The following LRRC7 variants were observed in gnomAD, a reference collection of about 807,000 sequenced individuals.
LRRC7 encodes leucine rich repeat containing 7.
LRRC7 carries 23 observed loss-of-function variants against 175.7 expected under a neutral mutation model. The ratio of observed to expected loss-of-function variants is 0.13; its 90% CI spans 0.09 to 0.19. The LOEUF (loss-of-function observed/expected upper bound fraction) is 0.19, where lower values mean the gene tolerates loss of function less well. Ranked by LOEUF, LRRC7 falls within the 10% of genes least tolerant of loss-of-function variation. The probability of loss-of-function intolerance (pLI) is 1.00; values close to 1 mark genes in which losing one functional copy is unlikely to be tolerated. For missense variants in LRRC7, 1,354 were observed against 1,904.7 expected (o/e 0.71, Z 5.38); for synonymous variants, 685 against 680.9 (o/e 1.01, Z -0.09).
At chr1:69,695,468 G>A (rs933646424) in intron 2 of LRRC7, among the ~76,000 whole-genome samples, 1 of 152,206 alleles carries the variant, frequency 6.6e-6, no homozygotes, top group Non-Finnish European at 1.5e-5. Flanking sequence ...ATGTGATAGA[G>A]AAGGAAAGGT....
chr1:69,960,623 G>A (rs1650968925), intron 8 of LRRC7, among the ~76,000 whole-genome samples: 1 of 151,206 alleles, frequency 6.6e-6, no homozygotes, highest in African/African-American at 2.4e-5. Flanking sequence ...AGCATTCAGT[G>A]CTATAAATTA....
intron 7 of LRRC7, among the ~76,000 whole-genome samples, chr1:69,900,559 T>G (rs1367687780): frequency 6.6e-6 from 1 of 152,200 alleles, no homozygotes; most frequent in Non-Finnish European, 1.5e-5. Flanking sequence ...TGAGTTTTAT[T>G]GTAGCATACA....
chr1:69,646,051 A>G (rs891390276), intron 1 of LRRC7, among the ~76,000 whole-genome samples: 2 of 152,136 alleles, frequency 1.3e-5, no homozygotes, highest in Non-Finnish European at 2.9e-5. Context: ...AGTTATTTAT[A>G]TGAATGATTA....
intron 7 of LRRC7, among the ~76,000 whole-genome samples, chr1:69,888,153 G>A (rs372375700): frequency 0.13 from 18,639 of 145,818 alleles, 1,818 homozygotes; most frequent in African/African-American, 0.27. Context: ...CACCCAGTTT[G>A]AGCTTCCTGG....
rs1428456482 is a variant in LRRC7, at chr1:70,131,108, A to C, written c.*9221A>C. Among the ~76,000 whole-genome samples the C allele has an allele frequency of 6.6e-6, 1 of 152,230 alleles. No individual in the cohort carries two copies. Among genetic ancestry groups the C allele is most frequent in the Non-Finnish European group, 1.5e-5 (1 of 68,030 alleles). On this transcript the variant is annotated 3_prime_UTR_variant, in exon 27 of 27. Coordinates refer to ENST00000651989, the MANE Select transcript of LRRC7 (RefSeq NM_001370785.2). Reference sequence around the variant, plus strand: ...AATTGATATGATTAACTATTTAGATAGAGCACAGAAAAAAAATCAGGGTTA... The same window carrying C: ...AATTGATATGATTAACTATTTAGATCGAGCACAGAAAAAAAATCAGGGTTA...
intron 7 of LRRC7, among the ~76,000 whole-genome samples, chr1:69,927,636 C>T (rs1003667027): frequency 1.3e-5 from 2 of 152,148 alleles, no homozygotes; most frequent in African/African-American, 2.4e-5. Flanking sequence ...ACGTAGTTCT[C>T]GAGCCTTGGC....
intron 2 of LRRC7, among the ~76,000 whole-genome samples, chr1:69,717,818 G>GAAAT (rs1238531692): frequency 4.2e-5 from 1 of 24,054 alleles, no homozygotes; most frequent in African/African-American, 2.6e-4. Context: ...AAGAAAGAAA[G>GAAAT]AAAGAAAGAA....
rs781603923 is a variant in LRRC7 at position 70,036,547 on chromosome 1, C to T, written c.2211C>T (p.Ser737=). Residue 737 remains serine, a synonymous_variant, in exon 20 of 27, where the codon TCC becomes TCT. Transcript: ENST00000651989. ...CGCCTTCCCAGGCTTCCTCAGGATCCTCTAATACCCGGGTTAAAGTGGGGT... is the reference window on the plus strand; with the variant it reads ...CGCCTTCCCAGGCTTCCTCAGGATCTTCTAATACCCGGGTTAAAGTGGGGT... ...DYSPSQASSG[S]SNTRVKVGSL... 1.9e-6 allele frequency: 3 copies of T among 1,613,956 alleles called. No individual in the cohort carries two copies. In the African/African-American group the frequency reaches 4.0e-5, roughly 22 times the overall value.
intron 7 of LRRC7, among the ~76,000 whole-genome samples, chr1:69,906,692 G>T (rs910546384): frequency 7.2e-5 from 11 of 152,018 alleles, no homozygotes; most frequent in African/African-American, 2.4e-4. Flanking sequence ...GTCAGGTAGC[G>T]TGATGCCTCC....
chr1:69,625,880 C>G (rs888432814), intron 1 of LRRC7, among the ~76,000 whole-genome samples: 2 of 152,064 alleles, frequency 1.3e-5, no homozygotes, highest in Admixed American at 1.3e-4. Flanking sequence ...TCGTATGTTC[C>G]ATGTGTATTT....
intron 7 of LRRC7, among the ~76,000 whole-genome samples, chr1:69,871,737 A>G (rs1370114982): frequency 1.3e-5 from 2 of 151,996 alleles, no homozygotes; most frequent in East Asian, 3.9e-4. Context: ...TAAACACATA[A>G]AACCCAACTT....
intron 8 of LRRC7, among the ~76,000 whole-genome samples, chr1:69,944,483 T>A (rs1649091562): frequency 6.6e-6 from 1 of 152,074 alleles, no homozygotes; most frequent in Admixed American, 6.6e-5. Context: ...AAGGACAAAT[T>A]TTTTGAAGTC....
intron 18 of LRRC7, among the ~76,000 whole-genome samples, chr1:70,032,217 T>C (rs1442307239): frequency 6.6e-6 from 1 of 152,242 alleles, no homozygotes; most frequent in Admixed American, 6.5e-5. Context: ...AAACATTTAA[T>C]GTAACTCACA....
At chr1:70,026,086 TG>T (rs1235669033) in intron 17 of LRRC7, among the ~76,000 whole-genome samples, 6 of 152,082 alleles carry the variant, frequency 3.9e-5, no homozygotes, top group Non-Finnish European at 8.8e-5. Context: ...TTGTGTCAGA[TG>T]GGACACAGCA....
intron 25 of LRRC7, among the ~76,000 whole-genome samples, chr1:70,097,910 T>C (rs10465858): frequency 2.6e-3 from 379 of 147,642 alleles, no homozygotes; most frequent in African/African-American, 8.5e-3. Context: ...TGAATAATGC[T>C]GCAATAAACA....
chr1:70,117,100 T>C (rs11799572), intron 26 of LRRC7, among the ~76,000 whole-genome samples: 19,342 of 152,202 alleles, frequency 0.13, 1,697 homozygotes, highest in African/African-American at 0.24. Flanking sequence ...AGGATTATCC[T>C]TTGGGTGGTG....
At chr1:69,681,546 T>A (rs1456895531) in intron 2 of LRRC7, among the ~76,000 whole-genome samples, 1 of 152,170 alleles carries the variant, frequency 6.6e-6, no homozygotes, top group African/African-American at 2.4e-5. Flanking sequence ...CTATGCTGCA[T>A]CCGGCATAGT....
At chr1:69,834,671 T>A in intron 5 of LRRC7, 109 bp from the exon 6 acceptor site, 1 of 874,234 alleles carries the variant, frequency 1.1e-6, no homozygotes, top group South Asian at 1.5e-5. Context: ...CAAAGGAGAG[T>A]TGAAAAATGT....
intron 8 of LRRC7, among the ~76,000 whole-genome samples, chr1:69,939,503 A>ACTCAATT (rs1382898127): frequency 6.6e-6 from 1 of 152,128 alleles, no homozygotes; most frequent in Non-Finnish European, 1.5e-5. Flanking sequence ...GCCCCTCCCC[A>ACTCAATT]GGACACTCAA....
Sources: gnomAD v4.1 joint callset for allele counts (sites outside exome capture counted in the v4.1 genomes callset) on GRCh38, gnomAD v4.1.1 for gene constraint, MANE v1.5 for transcripts, NCBI Gene and HGNC (gene_info 2026-07-23, HGNC 2026-07-21) for gene names.